The following CRYBG1 variants were observed in gnomAD, a reference collection of about 807,000 sequenced individuals.
The protein encoded by CRYBG1 is crystallin beta-gamma domain containing 1, also known as beta/gamma crystallin domain-containing protein 1.
CRYBG1 carries 139 observed loss-of-function variants against 189.2 expected under a neutral mutation model. The ratio of observed to expected loss-of-function variants is 0.73; its 90% CI spans 0.64 to 0.85. The LOEUF (loss-of-function observed/expected upper bound fraction) is 0.85. Among genes scored for constraint, CRYBG1 ranks in the 40% least tolerant of loss-of-function variants. The pLI, the probability that CRYBG1 is intolerant of heterozygous loss-of-function variation, is 0.00. For synonymous variants in CRYBG1, 1,023 were observed against 1,017.1 expected (o/e 1.01, Z -0.11); for missense variants, 2,611 against 2,675.8 (o/e 0.98, Z 0.53).
chr6:106,499,637 ATT>A (rs1392266075), intron 2 of CRYBG1, among the ~76,000 whole-genome samples: 2 of 152,134 alleles, frequency 1.3e-5, no homozygotes, highest in African/African-American at 4.8e-5. Flanking sequence ...TATCCAGAAA[ATT>A]AACATATCCA....
At chr6:106,553,729 G>A (rs1054800149) in intron 16 of CRYBG1, among the ~76,000 whole-genome samples, 162 bp downstream of exon 16, 2 of 152,200 alleles carry the variant, frequency 1.3e-5, no homozygotes, top group African/African-American at 4.8e-5. Context: ...GACGCCAGAG[G>A]ACACGGGCTT....
chr6:106,438,322 G>A (rs543401883), intron 1 of CRYBG1, among the ~76,000 whole-genome samples: 12 of 152,182 alleles, frequency 7.9e-5, no homozygotes, highest in Non-Finnish European at 1.6e-4. Flanking sequence ...TTGGGGTAGC[G>A]TGGTATATTA....
intron 1 of CRYBG1, among the ~76,000 whole-genome samples, chr6:106,434,499 A>G (rs897048410): frequency 4.6e-5 from 7 of 152,160 alleles, no homozygotes; most frequent in African/African-American, 1.7e-4. Flanking sequence ...GAGTTTTAGG[A>G]GTGCTTATTC....
chr6:106,416,995 T>C (rs1437952038), intron 1 of CRYBG1, among the ~76,000 whole-genome samples: 3 of 137,672 alleles, frequency 2.2e-5, no homozygotes, highest in Admixed American at 1.6e-4. Context: ...AATGATGGGA[T>C]TTACTTTTTT....
chr6:106,428,209 A>G (rs982650377), intron 1 of CRYBG1, among the ~76,000 whole-genome samples: 1 of 152,186 alleles, frequency 6.6e-6, no homozygotes, highest in Non-Finnish European at 1.5e-5. Context: ...TCACTGTGGT[A>G]AGTCACACAA....
chr6:106,392,476 C>G (rs561578958), intron 1 of CRYBG1, among the ~76,000 whole-genome samples: 2 of 152,006 alleles, frequency 1.3e-5, no homozygotes, highest in Non-Finnish European at 2.9e-5. Context: ...CTTAGGGAGG[C>G]CCAGTGAAGG....
chr6:106,406,212 C>T (rs554651148), intron 1 of CRYBG1, among the ~76,000 whole-genome samples: 3 of 151,950 alleles, frequency 2.0e-5, no homozygotes, highest in Admixed American at 1.3e-4. Context: ...AAAACACACG[C>T]GAGAACTTCG....
chr6:106,420,300 G>A (rs986189980), intron 1 of CRYBG1, among the ~76,000 whole-genome samples: 1 of 152,204 alleles, frequency 6.6e-6, no homozygotes, highest in Non-Finnish European at 1.5e-5. Context: ...GGGAAAAAAA[G>A]AGAGGGTCAT....
intron 1 of CRYBG1, among the ~76,000 whole-genome samples, chr6:106,404,590 C>T (rs1770787525): frequency 6.6e-6 from 1 of 152,032 alleles, no homozygotes; most frequent in Non-Finnish European, 1.5e-5. Context: ...GGGGGGCTGG[C>T]AAGATGCCCA....
chr6:106,434,439 G>A lies in CRYBG1; in HGVS notation c.174-17255G>A, dbSNP rs575974586. ...CCTGTCTTTAAGTTTATCCAGGATT[G>A]GATAAACTTGACCTTGAGTTGTAAT... On this transcript the variant is annotated intron_variant, in intron 1 of 21. Coordinates refer to ENST00000633556, the MANE Select transcript of CRYBG1 (RefSeq NM_001371242.2). 5.3e-4 allele frequency among the ~76,000 whole-genome samples: 80 copies of A among 152,184 alleles called. 3 individuals carry two copies. The South Asian group carries it at 0.016, about 31-fold the overall frequency.
intron 16 of CRYBG1, among the ~76,000 whole-genome samples, chr6:106,554,230 G>C (rs1774479607): frequency 6.6e-6 from 1 of 152,204 alleles, no homozygotes; most frequent in African/African-American, 2.4e-5. Context: ...TAGTAATAGT[G>C]CCTTTAATCA....
chr6:106,496,919 G>C (rs1027935166), intron 2 of CRYBG1, among the ~76,000 whole-genome samples: 1 of 152,220 alleles, frequency 6.6e-6, no homozygotes, highest in African/African-American at 2.4e-5. Context: ...CAGGGCAGGA[G>C]AGCCTGGCGC....
At chr6:106,368,865 TA>T (rs545417645) in intron 1 of CRYBG1, among the ~76,000 whole-genome samples, 44 of 150,974 alleles carry the variant, frequency 2.9e-4, no homozygotes, top group Non-Finnish European at 5.5e-4. Flanking sequence ...ACCTACTACT[TA>T]AAAAAAAATA....
intron 8 of CRYBG1, among the ~76,000 whole-genome samples, chr6:106,532,217 T>C (rs1402141303): frequency 6.6e-6 from 1 of 152,178 alleles, no homozygotes; most frequent in African/African-American, 2.4e-5. Flanking sequence ...AAATATATTA[T>C]TGTTAATCAT....
chr6:106,455,842 T>C (rs1029406944), intron 2 of CRYBG1, among the ~76,000 whole-genome samples: 2 of 152,234 alleles, frequency 1.3e-5, no homozygotes, highest in African/African-American at 4.8e-5. Context: ...TTTCTACTAG[T>C]GCATGTGTGT....
Position 106,552,118 on chromosome 6 carries a change from GA to G in CRYBG1, c.5440-59del, listed in dbSNP as rs145614773. 3.4e-3 allele frequency: 4,982 copies of G among 1,486,492 alleles called. 136 individuals are homozygous for G. The African/African-American group carries it at 0.064, about 19-fold the overall frequency. The allele number at this position is 1,486,492 out of a possible 1,614,324, so 92.1% of individuals were successfully genotyped here. On this transcript the variant is annotated intron_variant, in intron 14 of 21. Coordinates refer to ENST00000633556, the MANE Select transcript of CRYBG1 (RefSeq NM_001371242.2). ...AGCAGTAATTGCTAATAATCTAGAAGAAAAAAACTTTTTCAATGTGTTTGTT... is the reference window on the plus strand; with the variant it reads ...AGCAGTAATTGCTAATAATCTAGAAGAAAAAACTTTTTCAATGTGTTTGTT...
chr6:106,510,952 A>C (rs1368711832), intron 2 of CRYBG1, among the ~76,000 whole-genome samples: 1 of 152,166 alleles, frequency 6.6e-6, no homozygotes, highest in Non-Finnish European at 1.5e-5. Context: ...GGCTGCTAGG[A>C]CTGGTTTTTT....
rs150825885 is a variant in CRYBG1, at chr6:106,543,288, G to A, written c.4882-152G>A. ...CAAGTGATCCACCTACCTCAGCCTC[G>A]CAAAGTGCTGGGATAACAGGCGTGA... On this transcript the variant is annotated intron_variant, in intron 10 of 21. Transcript: ENST00000633556. 264 of 638,472 alleles carry A rather than the reference G, an allele frequency of 4.1e-4. 2 individuals carry two copies. In the African/African-American group the frequency reaches 4.2e-3, roughly 10 times the overall value. The allele number at this position is 638,472 out of a possible 1,614,324, so 39.6% of individuals were successfully genotyped here.
At chr6:106,518,968 T>C (rs1773506661) in intron 3 of CRYBG1, among the ~76,000 whole-genome samples, 163 bp from the exon 4 acceptor site, 3 of 41,380 alleles carry the variant, frequency 7.2e-5, no homozygotes, top group Non-Finnish European at 1.1e-4. Context: ...TAAAAACACA[T>C]GTGTGCGCAC....
Sources: gnomAD v4.1 joint callset for allele counts (sites outside exome capture counted in the v4.1 genomes callset) on GRCh38, gnomAD v4.1.1 for gene constraint, MANE v1.5 for transcripts, NCBI Gene and HGNC (gene_info 2026-07-23, HGNC 2026-07-21) for gene names.